Variants in HS6ST3 observed in about 807,000 individuals in gnomAD.
HS6ST3 encodes the protein heparan sulfate 6-O-sulfotransferase 3.
In HS6ST3, 12 loss-of-function variants were observed where a neutral mutation model predicts 36.7. That is an observed-to-expected ratio of 0.33 (90% CI 0.21 to 0.53). HS6ST3 has a LOEUF of 0.53. HS6ST3 is among the 20% of genes least tolerant of loss of function. The probability of loss-of-function intolerance (pLI) is 0.95; values close to 1 mark genes in which losing one functional copy is unlikely to be tolerated. For missense variants in HS6ST3, 584 were observed against 640.9 expected (o/e 0.91, Z 0.96); for synonymous variants, 240 against 257.5 (o/e 0.93, Z 0.65).
intron 1 of HS6ST3, among the ~76,000 whole-genome samples, chr13:96,432,778 T>G (rs959199601): frequency 3.3e-5 from 5 of 151,846 alleles, no homozygotes; most frequent in African/African-American, 1.2e-4. Context: ...CAAAATTACT[T>G]ATAATTATAT....
intron 1 of HS6ST3, among the ~76,000 whole-genome samples, chr13:96,685,389 G>A (rs1311096312): frequency 1.3e-5 from 2 of 152,042 alleles, no homozygotes; most frequent in African/African-American, 2.4e-5. Flanking sequence ...ATAGATATGT[G>A]AAATATCAAA....
intron 1 of HS6ST3, among the ~76,000 whole-genome samples, chr13:96,422,555 A>G (rs2055567257): frequency 6.6e-6 from 1 of 152,240 alleles, no homozygotes. Flanking sequence ...CAGAATTTCA[A>G]GAGATTTTGA....
intron 1 of HS6ST3, among the ~76,000 whole-genome samples, chr13:96,642,582 A>G (rs1374538622): frequency 2.0e-5 from 3 of 151,616 alleles, no homozygotes; most frequent in African/African-American, 4.8e-5. Flanking sequence ...GTTTCCTTTT[A>G]TTCTTTCTGT....
chr13:96,389,843 A>G (rs1345415100), intron 1 of HS6ST3, among the ~76,000 whole-genome samples: 2 of 152,226 alleles, frequency 1.3e-5, no homozygotes, highest in East Asian at 1.9e-4. Context: ...CTGGTTTTCC[A>G]TATCCTAGGC....
chr13:96,688,940 CT>C (rs1424046108), intron 1 of HS6ST3, among the ~76,000 whole-genome samples: 1 of 152,044 alleles, frequency 6.6e-6, no homozygotes, highest in Non-Finnish European at 1.5e-5. Flanking sequence ...TCCCAGAGGT[CT>C]TTTCGATCAC....
rs571846891 is a variant in HS6ST3, at chr13:96,417,807, G to T, written c.707+326238G>T. On this transcript the variant is annotated intron_variant, in intron 1 of 1. Coordinates refer to ENST00000376705, the MANE Select transcript of HS6ST3 (RefSeq NM_153456.4). The stretch of plus-strand genomic sequence containing the variant: ...CACGGTAACGATGTTCTATAAAGTT[G>T]CTGTGAAAGCTGAATTAATTAATAC... 4.7e-5 allele frequency among the ~76,000 whole-genome samples: 7 copies of T among 150,068 alleles called. No individual in the cohort carries two copies. The South Asian group carries it at 1.1e-3, about 23-fold the overall frequency.
rs2055605341 is a variant in HS6ST3 at position 96,429,752 on chromosome 13, A to C, written c.707+338183A>C. On this transcript the variant is annotated intron_variant, in intron 1 of 1. Coordinates refer to ENST00000376705, the MANE Select transcript of HS6ST3 (RefSeq NM_153456.4). Reference sequence around the variant, plus strand: ...AACCCTCTAAGAATTCAGGTAAAGCAGATAGTCTGTAGGTTCGATAGAAAA... The same window carrying C: ...AACCCTCTAAGAATTCAGGTAAAGCCGATAGTCTGTAGGTTCGATAGAAAA... Among the ~76,000 whole-genome samples, 4 of 152,378 alleles carry C rather than the reference A, an allele frequency of 2.6e-5. No homozygotes were observed. In the South Asian group the frequency reaches 8.3e-4, roughly 32 times the overall value.
At chr13:96,381,615 G>C (rs1419997925) in intron 1 of HS6ST3, among the ~76,000 whole-genome samples, 1 of 152,126 alleles carries the variant, frequency 6.6e-6, no homozygotes, top group African/African-American at 2.4e-5. Context: ...GCTCAGCACA[G>C]AGTCTGATGC....
At chr13:96,570,410 A>C (rs2056296834) in intron 1 of HS6ST3, among the ~76,000 whole-genome samples, 1 of 152,240 alleles carries the variant, frequency 6.6e-6, no homozygotes, top group Non-Finnish European at 1.5e-5. Flanking sequence ...GTGCTGGTGG[A>C]AATAATATCC....
intron 1 of HS6ST3, among the ~76,000 whole-genome samples, chr13:96,154,779 TAAAG>T (rs2054102803): frequency 6.6e-6 from 1 of 152,120 alleles, no homozygotes; most frequent in South Asian, 2.1e-4. Flanking sequence ...AACTTTTTAA[TAAAG>T]AGTCAGGATC....
chr13:96,355,358 TACACACACAC>T lies in HS6ST3; in HGVS notation c.707+263825_707+263834del, dbSNP rs66509801. Among the ~76,000 whole-genome samples, 743 of 140,576 alleles carry T rather than the reference TACACACACAC, an allele frequency of 5.3e-3. 2 individuals carry two copies. Among genetic ancestry groups the T allele is most frequent in the Non-Finnish European group, 7.6e-3 (490 of 64,494 alleles). 92.2% of individuals were successfully genotyped at this position (140,576 alleles called of 152,430 possible). On this transcript the variant is annotated intron_variant, in intron 1 of 1. Coordinates refer to ENST00000376705, the MANE Select transcript of HS6ST3 (RefSeq NM_153456.4). ...GAAAGTAAAAGCATGAGTCTATAGT[TACACACACAC>T]ACACACACACACACACACACACACA...
chr13:96,138,834 CA>C (rs1321923317), intron 1 of HS6ST3, among the ~76,000 whole-genome samples: 2 of 151,896 alleles, frequency 1.3e-5, no homozygotes, highest in African/African-American at 2.4e-5. Context: ...ATTATAAGTA[CA>C]GACTGATTTT....
intron 1 of HS6ST3, among the ~76,000 whole-genome samples, chr13:96,171,952 T>C (rs2054189607): frequency 6.6e-6 from 1 of 152,174 alleles, no homozygotes; most frequent in Non-Finnish European, 1.5e-5. Context: ...AAAATATTTA[T>C]ATTTAATTCA....
chr13:96,148,389 A>G (rs1455495665), intron 1 of HS6ST3, among the ~76,000 whole-genome samples: 1 of 152,196 alleles, frequency 6.6e-6, no homozygotes, highest in Non-Finnish European at 1.5e-5. Flanking sequence ...TATCCTGAAC[A>G]TGGTCAGGCA....
At chr13:96,142,788 G>A (rs562765684) in intron 1 of HS6ST3, among the ~76,000 whole-genome samples, 30 of 152,012 alleles carry the variant, frequency 2.0e-4, no homozygotes, top group Non-Finnish European at 3.5e-4. Flanking sequence ...TATCCTTCTC[G>A]TGTGCTTATA....
intron 1 of HS6ST3, among the ~76,000 whole-genome samples, chr13:96,213,267 A>C (rs2054407563): frequency 6.6e-6 from 1 of 152,236 alleles, no homozygotes; most frequent in Admixed American, 6.5e-5. Flanking sequence ...AAAGGAAATG[A>C]TCCAGTGTTG....
intron 1 of HS6ST3, among the ~76,000 whole-genome samples, chr13:96,272,039 A>C (rs2054722968): frequency 6.6e-6 from 1 of 152,068 alleles, no homozygotes; most frequent in Non-Finnish European, 1.5e-5. Context: ...GAATGATTGA[A>C]GCCAAGGTAT....
chr13:96,801,259 T>A (rs980059573), intron 1 of HS6ST3, among the ~76,000 whole-genome samples: 1 of 152,146 alleles, frequency 6.6e-6, no homozygotes, highest in African/African-American at 2.4e-5. Flanking sequence ...AACATTGAGT[T>A]CCTTTCAGAT....
At chr13:96,499,627 G>A (rs1649130675) in intron 1 of HS6ST3, among the ~76,000 whole-genome samples, 1 of 152,176 alleles carries the variant, frequency 6.6e-6, no homozygotes, top group Admixed American at 6.5e-5. Flanking sequence ...GATGGAGTGA[G>A]GGCAGGAACC....
Sources: gnomAD v4.1 joint callset for allele counts (sites outside exome capture counted in the v4.1 genomes callset) on GRCh38, gnomAD v4.1.1 for gene constraint, MANE v1.5 for transcripts, NCBI Gene and HGNC (gene_info 2026-07-23, HGNC 2026-07-21) for gene names.